The following FOXP2 variants were observed in gnomAD, a reference collection of about 807,000 sequenced individuals.
FOXP2 encodes forkhead box protein P2.
Under a neutral mutation model 115.8 loss-of-function variants are expected in FOXP2, and 12 were observed. The observed-to-expected ratio is 0.10, with a 90% CI of 0.07 to 0.17. FOXP2 has a LOEUF of 0.17. Among genes scored for constraint, FOXP2 ranks in the 10% least tolerant of loss-of-function variants. The probability of loss-of-function intolerance (pLI) is 1.00; values close to 1 mark genes in which losing one functional copy is unlikely to be tolerated. For missense variants in FOXP2, 629 were observed against 843.5 expected (o/e 0.75, Z 3.15); for synonymous variants, 328 against 297.7 (o/e 1.10, Z -1.05).
At chr7:114,090,382 G>T (rs964238077) in intron 1 of FOXP2, among the ~76,000 whole-genome samples, 2 of 151,712 alleles carry the variant, frequency 1.3e-5, no homozygotes, top group Non-Finnish European at 3.0e-5. Context: ...ATTCATAAAT[G>T]AATGGACCCA....
chr7:114,658,858 T>A (rs1029561403), intron 11 of FOXP2, among the ~76,000 whole-genome samples: 1 of 152,158 alleles, frequency 6.6e-6, no homozygotes, highest in Non-Finnish European at 1.5e-5. Context: ...GGCATCTGGA[T>A]AATCACAGTC....
chr7:114,565,608 A>G (rs967034941), intron 3 of FOXP2, among the ~76,000 whole-genome samples: 1 of 152,176 alleles, frequency 6.6e-6, no homozygotes, highest in Admixed American at 6.6e-5. Flanking sequence ...ATAGTCAGAT[A>G]TGTGATACAC....
At chr7:114,354,694 C>A (rs1037800022) in intron 2 of FOXP2, among the ~76,000 whole-genome samples, 4 of 152,070 alleles carry the variant, frequency 2.6e-5, no homozygotes, top group Non-Finnish European at 4.4e-5. Context: ...CTTCTCCCTC[C>A]CCCTATATTA....
chr7:114,268,692 A>G (rs1424642423), intron 1 of FOXP2, among the ~76,000 whole-genome samples: 1 of 137,080 alleles, frequency 7.3e-6, no homozygotes, highest in East Asian at 2.2e-4. Context: ...TGAAGTCTAT[A>G]CTCCCCACTG....
At chr7:114,335,536 A>G (rs1041011908) in intron 2 of FOXP2, among the ~76,000 whole-genome samples, 2 of 151,926 alleles carry the variant, frequency 1.3e-5, no homozygotes, top group Non-Finnish European at 2.9e-5. Flanking sequence ...GGAAGAAATA[A>G]CGCTGTATCA....
At chr7:114,147,627 G>C (rs1408613497) in intron 1 of FOXP2, among the ~76,000 whole-genome samples, 1 of 151,678 alleles carries the variant, frequency 6.6e-6, no homozygotes, top group Non-Finnish European at 1.5e-5. Context: ...TTGCTCAAAG[G>C]GTATTGCCAA....
intron 6 of FOXP2, among the ~76,000 whole-genome samples, chr7:114,632,508 A>G (rs1195601968): frequency 3.9e-5 from 6 of 152,204 alleles, no homozygotes; most frequent in Non-Finnish European, 8.8e-5. Context: ...TTGCATTTGG[A>G]TTTTGTTGGG....
At chr7:114,161,226 T>C (rs1792821235), upstream of FOXP2, among the ~76,000 whole-genome samples, 1 of 152,176 alleles carries the variant, frequency 6.6e-6, no homozygotes, top group Non-Finnish European at 1.5e-5. Flanking sequence ...TAGTTGAATC[T>C]TTAGAAAAGA....
chr7:114,492,417 T>A (rs1797107293), intron 2 of FOXP2, among the ~76,000 whole-genome samples: 1 of 152,218 alleles, frequency 6.6e-6, no homozygotes. Context: ...TTCCTTCAGT[T>A]CTGCTCTGAT....
At chr7:114,627,602 T>C (rs1804664110) in intron 3 of FOXP2, among the ~76,000 whole-genome samples, 1 of 152,130 alleles carries the variant, frequency 6.6e-6, no homozygotes, top group Admixed American at 6.6e-5. Context: ...GCTTTCCCAC[T>C]AGCTTGTCCT....
chr7:114,231,515 C>A (rs571621564), intron 1 of FOXP2, among the ~76,000 whole-genome samples: 2 of 151,992 alleles, frequency 1.3e-5, no homozygotes, highest in Admixed American at 1.3e-4. Context: ...ATGGTACTGG[C>A]GTGAAGACAT....
At chr7:114,191,698 C>A (rs1584535306) in intron 1 of FOXP2, among the ~76,000 whole-genome samples, 2 of 152,180 alleles carry the variant, frequency 1.3e-5, no homozygotes, top group East Asian at 3.8e-4. Flanking sequence ...TCTCCCAACA[C>A]AGTTTCCCCT....
chr7:114,555,647 A>T (rs1285564705), intron 3 of FOXP2, among the ~76,000 whole-genome samples: 7 of 152,146 alleles, frequency 4.6e-5, no homozygotes, highest in Non-Finnish European at 5.9e-5. Context: ...AAATACAAAA[A>T]TTAGCCAGGT....
At chr7:114,677,847 C>T (rs1807859070) in intron 16 of FOXP2, among the ~76,000 whole-genome samples, 1 of 152,108 alleles carries the variant, frequency 6.6e-6, no homozygotes, top group Admixed American at 6.5e-5. Flanking sequence ...GTTGAATGAC[C>T]CATAGATGAG....
intron 3 of FOXP2, among the ~76,000 whole-genome samples, chr7:114,588,467 TA>T (rs1317865642): frequency 2.0e-5 from 3 of 152,340 alleles, no homozygotes; most frequent in East Asian, 3.9e-4. Flanking sequence ...TTATAATTTT[TA>T]TTTTTTTAGG....
In FOXP2 at chr7:114,248,180, CAGAGAGAG is replaced by C. The variant is rs71314647; in HGVS notation, c.-101-39813_-101-39806del. Among the ~76,000 whole-genome samples, 334 of 146,066 alleles carry C rather than the reference CAGAGAGAG, an allele frequency of 2.3e-3. 2 individuals are homozygous for C. Among genetic ancestry groups the C allele is most frequent in the African/African-American group, 7.6e-3 (302 of 39,678 alleles). On this transcript the variant is annotated intron_variant, in intron 1 of 17. Coordinates refer to the FOXP2 transcript ENST00000634411. ...GAAGACCAGTGTCCCAGCTTAAAAACAGAGAGAGAGAGAGAGAGAGAGAGAGAGAGAGA... is the reference window on the plus strand; with the variant it reads ...GAAGACCAGTGTCCCAGCTTAAAAACAGAGAGAGAGAGAGAGAGAGAGAGA...
At chr7:114,318,072 C>G (rs557136329) in intron 2 of FOXP2, among the ~76,000 whole-genome samples, 1 of 152,294 alleles carries the variant, frequency 6.6e-6, no homozygotes, top group South Asian at 2.1e-4. Flanking sequence ...CACTCTCATC[C>G]TAACCTATTT....
chr7:114,207,201 C>A (rs1794221625), intron 1 of FOXP2, among the ~76,000 whole-genome samples: 1 of 152,088 alleles, frequency 6.6e-6, no homozygotes, highest in Non-Finnish European at 1.5e-5. Context: ...TTTATTTATC[C>A]ATTCGGTAGT....
chr7:114,511,088 A>G (rs1409626297), intron 2 of FOXP2, among the ~76,000 whole-genome samples: 1 of 152,168 alleles, frequency 6.6e-6, no homozygotes, highest in Non-Finnish European at 1.5e-5. Flanking sequence ...CATCATTCTC[A>G]GCAAACTAAC....
Sources: allele counts gnomAD v4.1 joint callset (sites outside exome capture counted in the v4.1 genomes callset), GRCh38; gene constraint gnomAD v4.1.1; transcripts MANE v1.5; gene names NCBI Gene and HGNC (gene_info 2026-07-23, HGNC 2026-07-21).